The following ARID1B variants were observed in gnomAD, a reference collection of about 807,000 sequenced individuals.
The protein encoded by ARID1B is AT-rich interaction domain 1B.
In ARID1B, 30 loss-of-function variants were observed where a neutral mutation model predicts 212.3. The ratio of observed to expected loss-of-function variants is 0.14; its 90% confidence interval spans 0.11 to 0.19. The LOEUF is 0.19. ARID1B is among the 10% of genes least tolerant of loss of function. The probability of loss-of-function intolerance (pLI) is 1.00; values close to 1 mark genes in which losing one functional copy is unlikely to be tolerated. For synonymous variants in ARID1B, 1,402 were observed against 1,301.7 expected (o/e 1.08, Z -1.66); for missense variants, 2,891 against 3,204.0 (o/e 0.90, Z 2.36).
chr6:156,864,129 A>G (rs1785520822), intron 2 of ARID1B, among the ~76,000 whole-genome samples: 1 of 152,222 alleles, frequency 6.6e-6, no homozygotes. Flanking sequence ...TGTGAGAACT[A>G]GTTTTATATT....
At chr6:156,949,400 A>G (rs1793412081) in intron 4 of ARID1B, among the ~76,000 whole-genome samples, 1 of 152,212 alleles carries the variant, frequency 6.6e-6, no homozygotes, top group African/African-American at 2.4e-5. Context: ...AAGGTTCATA[A>G]ACCACTTTGG....
chr6:157,027,866 A>G (rs1311393815), intron 4 of ARID1B, among the ~76,000 whole-genome samples: 1 of 152,248 alleles, frequency 6.6e-6, no homozygotes, highest in East Asian at 1.9e-4. Flanking sequence ...GAGGGATTTA[A>G]GTATGATCAA....
chr6:157,108,078 AG>A (rs1786620830), intron 5 of ARID1B: 1 of 152,230 alleles, frequency 6.6e-6, no homozygotes, highest in African/African-American at 2.4e-5. Context: ...ACTATGACTT[AG>A]TAGTTATGAA....
At chr6:156,896,723 A>T (rs2128200782) in intron 2 of ARID1B, among the ~76,000 whole-genome samples, 1 of 152,150 alleles carries the variant, frequency 6.6e-6, no homozygotes, top group Admixed American at 6.5e-5. Flanking sequence ...TACTGAAAAT[A>T]CAAAAATTAG....
chr6:157,188,205 TA>T (rs913577504), intron 13 of ARID1B, among the ~76,000 whole-genome samples: 329 of 145,170 alleles, frequency 2.3e-3, no homozygotes, highest in African/African-American at 5.2e-3. Context: ...ACTTAAAGTT[TA>T]AAAAAAAAAA....
chr6:156,920,480 A>G (rs969130414), intron 3 of ARID1B, among the ~76,000 whole-genome samples: 5 of 152,206 alleles, frequency 3.3e-5, no homozygotes, highest in African/African-American at 1.2e-4. Context: ...ATAAAACATA[A>G]TTTATACATA....
chr6:156,910,938 G>A (rs1451300459), intron 3 of ARID1B, among the ~76,000 whole-genome samples: 1 of 152,086 alleles, frequency 6.6e-6, no homozygotes, highest in Non-Finnish European at 1.5e-5. Context: ...TTAGAATAAG[G>A]CACTAACTAT....
rs139879376 is a variant in ARID1B, at chr6:157,183,642, G to A, written c.3715-589G>A. On this transcript the variant is annotated intron_variant, in intron 12 of 19. Transcript: ENST00000636930. ...TCTCCAGCCCTTTAAGCCTCCTTGAGTAAGAGCACCGCACAGGAAGGTGTG... is the reference window on the plus strand; with the variant it reads ...TCTCCAGCCCTTTAAGCCTCCTTGAATAAGAGCACCGCACAGGAAGGTGTG... 7.9e-5 allele frequency among the ~76,000 whole-genome samples: 12 copies of A among 152,336 alleles called. No individual in the cohort carries two copies. The East Asian group carries it at 2.3e-3, about 29-fold the overall frequency.
At chr6:156,964,097 A>T (rs1332935660) in intron 4 of ARID1B, among the ~76,000 whole-genome samples, 1 of 152,144 alleles carries the variant, frequency 6.6e-6, no homozygotes, top group African/African-American at 2.4e-5. Context: ...GTTGTGGGGG[A>T]TGTTGTCCCC....
chr6:157,172,202 C>T (rs910323130), intron 9 of ARID1B, among the ~76,000 whole-genome samples: 2 of 152,130 alleles, frequency 1.3e-5, no homozygotes, highest in African/African-American at 4.8e-5. Context: ...TAATTCATAT[C>T]TCGTTAGACC....
rs1375000232 is a variant in ARID1B, at chr6:157,094,347, A to G, written c.2491+9442A>G. Among the ~76,000 whole-genome samples the G allele has an allele frequency of 6.6e-6, 1 of 152,040 alleles. No homozygotes were observed. The highest frequency in any genetic ancestry group is 1.5e-5 in the Non-Finnish European group (1 of 67,992). On this transcript the variant is annotated intron_variant, in intron 5 of 19. Transcript: ENST00000636930. The surrounding 1 kb of genome is among the most constrained non-coding windows in gnomAD (Gnocchi z 4.3). The stretch of plus-strand genomic sequence containing the variant: ...ACTTTGTAGGTTATGATTATGATTT[A>G]GGAGGTTTTTTTATTACTTCTTTTT...
intron 3 of ARID1B, among the ~76,000 whole-genome samples, chr6:156,923,614 G>A (rs1790978261): frequency 6.6e-6 from 1 of 152,020 alleles, no homozygotes; most frequent in African/African-American, 2.4e-5. Flanking sequence ...CCTGATAGAT[G>A]GTGTGATGTA....
intron 2 of ARID1B, among the ~76,000 whole-genome samples, chr6:156,895,707 A>T (rs1415316963): frequency 6.6e-6 from 1 of 151,978 alleles, no homozygotes; most frequent in Admixed American, 6.5e-5. Context: ...ACACTTGTGT[A>T]ATTACAGATA....
chr6:157,014,199 C>T (rs1779776606), intron 4 of ARID1B, among the ~76,000 whole-genome samples: 1 of 152,170 alleles, frequency 6.6e-6, no homozygotes, highest in Admixed American at 6.5e-5. Context: ...TTAAACTCCA[C>T]AGACTTTGGA....
intron 4 of ARID1B, among the ~76,000 whole-genome samples, chr6:157,076,427 A>G (rs1784314401): frequency 6.6e-6 from 1 of 151,840 alleles, no homozygotes; most frequent in Non-Finnish European, 1.5e-5. Context: ...GGATCAAGCA[A>G]TATTCCTGCC....
At chr6:156,953,808 G>A (rs1379406970) in intron 4 of ARID1B, among the ~76,000 whole-genome samples, 1 of 152,174 alleles carries the variant, frequency 6.6e-6, no homozygotes, top group Non-Finnish European at 1.5e-5. Flanking sequence ...TCCGCAGACA[G>A]GAGATTGGTA....
chr6:157,172,537 A>G (rs1325273411), intron 9 of ARID1B, among the ~76,000 whole-genome samples: 2 of 152,180 alleles, frequency 1.3e-5, no homozygotes, highest in African/African-American at 2.4e-5. Flanking sequence ...AAAAGACGGG[A>G]TTTCAAAGTG....
At chr6:156,824,713 T>C (rs1782619179) in intron 1 of ARID1B, among the ~76,000 whole-genome samples, 1 of 152,016 alleles carries the variant, frequency 6.6e-6, no homozygotes, top group Admixed American at 6.5e-5. Context: ...TGCAGTGAGC[T>C]GAGATTGTGC....
intron 4 of ARID1B, among the ~76,000 whole-genome samples, chr6:157,067,605 T>C (rs1050725574): frequency 6.6e-6 from 1 of 152,162 alleles, no homozygotes; most frequent in African/African-American, 2.4e-5. Flanking sequence ...CAGTGATAGG[T>C]TAAGATTTTC....
Sources: allele counts gnomAD v4.1 joint callset (sites outside exome capture counted in the v4.1 genomes callset), GRCh38; gene constraint gnomAD v4.1.1; non-coding constraint Gnocchi (gnomAD v3.1); transcripts MANE v1.5; gene names NCBI Gene and HGNC (gene_info 2026-07-23, HGNC 2026-07-21).